Variants in ABL1 observed in about 807,000 individuals in gnomAD.
The protein encoded by ABL1 is tyrosine-protein kinase ABL1.
Under a neutral mutation model 94.7 loss-of-function variants are expected in ABL1, and 11 were observed. That is an observed-to-expected ratio of 0.12 (90% CI 0.07 to 0.19). The LOEUF is 0.19. Ranked by LOEUF, ABL1 falls within the 10% of genes least tolerant of loss-of-function variation. The pLI, the probability that ABL1 is intolerant of heterozygous loss-of-function variation, is 1.00. For synonymous variants in ABL1, 656 were observed against 622.4 expected (o/e 1.05, Z -0.80); for missense variants, 1,082 against 1,489.4 (o/e 0.73, Z 4.50).
Position 130,886,874 on chromosome 9 carries a change from A to G in ABL1, c.*1191A>G, listed in dbSNP as rs918655049. ...AGTCCTGGTCCTGGCTGCACTCTTG[A>G]ACTGGGCGAATGTCTTATTTAATTA... On this transcript the variant is annotated 3_prime_UTR_variant, in exon 11 of 11. Transcript: ENST00000318560. 33 of 233,288 alleles carry G rather than the reference A, an allele frequency of 1.4e-4. No individual in the cohort carries two copies. The highest frequency in any genetic ancestry group is 5.7e-4 in the African/African-American group (26 of 45,446). The allele number at this position is 233,288 out of a possible 1,614,324, so 14.5% of individuals were successfully genotyped here.
intron 1 of ABL1, among the ~76,000 whole-genome samples, chr9:130,770,046 A>G (rs1002093034): frequency 5.3e-5 from 8 of 152,126 alleles, no homozygotes; most frequent in African/African-American, 1.7e-4. Context: ...TCTGAGTAGT[A>G]TTCTCTTGCA....
At chr9:130,855,337 A>G (rs35694549) in intron 3 of ABL1, among the ~76,000 whole-genome samples, 2 of 152,282 alleles carry the variant, frequency 1.3e-5, no homozygotes, top group Non-Finnish European at 2.9e-5. Context: ...TGTTGTTAGC[A>G]AGTTACTTAA....
At chr9:130,736,026 G>A (rs985840733) in intron 1 of ABL1, among the ~76,000 whole-genome samples, 2 of 147,224 alleles carry the variant, frequency 1.4e-5, no homozygotes, top group African/African-American at 5.1e-5. Flanking sequence ...CATGACCTCG[G>A]CTCACTGCAG....
intron 1 of ABL1, among the ~76,000 whole-genome samples, chr9:130,724,168 G>T (rs1831550072): frequency 6.6e-6 from 1 of 152,140 alleles, no homozygotes; most frequent in African/African-American, 2.4e-5. Flanking sequence ...GGAGTACAAT[G>T]ATATGATCAC....
chr9:130,866,806 G>A (rs985863466), intron 4 of ABL1, among the ~76,000 whole-genome samples: 2 of 152,150 alleles, frequency 1.3e-5, no homozygotes, highest in African/African-American at 4.8e-5. Flanking sequence ...AAGGGAGGAC[G>A]TGCTTAAGAA....
At chr9:130,868,616 G>T (rs916307720) in intron 4 of ABL1, among the ~76,000 whole-genome samples, 27 of 148,806 alleles carry the variant, frequency 1.8e-4, no homozygotes, top group Non-Finnish European at 5.9e-5. Flanking sequence ...GGCCTCCCAG[G>T]TTCAAGCAAT....
intron 7 of ABL1, among the ~76,000 whole-genome samples, chr9:130,876,736 T>TC (rs1463991227): frequency 8.2e-6 from 1 of 121,736 alleles, no homozygotes; most frequent in Non-Finnish European, 1.6e-5. Flanking sequence ...TTGGTTTCTT[T>TC]TTTTTTTTTT....
chr9:130,752,828 G>A (rs1476848838), intron 1 of ABL1, among the ~76,000 whole-genome samples: 2 of 151,988 alleles, frequency 1.3e-5, no homozygotes, highest in East Asian at 1.9e-4. Context: ...ACGTGGTGGC[G>A]AACACCTGTA....
At chr9:130,758,255 G>C (rs1009987478) in intron 1 of ABL1, among the ~76,000 whole-genome samples, 3 of 151,940 alleles carry the variant, frequency 2.0e-5, no homozygotes, top group African/African-American at 7.3e-5. Context: ...CCACCTCCTG[G>C]GTTCAAGCCA....
At chr9:130,745,848 C>G (rs1357740054) in intron 1 of ABL1, among the ~76,000 whole-genome samples, 2 of 152,030 alleles carry the variant, frequency 1.3e-5, no homozygotes, top group Non-Finnish European at 2.9e-5. Context: ...AATTGAAGAT[C>G]AAATAAATAA....
chr9:130,867,422 G>A (rs765773426), intron 4 of ABL1, among the ~76,000 whole-genome samples: 3 of 152,224 alleles, frequency 2.0e-5, no homozygotes, highest in Admixed American at 6.5e-5. Flanking sequence ...CTAAACAGCA[G>A]CACAGTGATT....
intron 4 of ABL1, among the ~76,000 whole-genome samples, chr9:130,868,520 C>CTTT (rs71389371): frequency 2.7e-5 from 3 of 112,104 alleles, no homozygotes; most frequent in Non-Finnish European, 5.7e-5. Context: ...TTTTCTTTTT[C>CTTT]TTTTTTTTTT....
chr9:130,838,040 T>A (rs1286118064), intron 1 of ABL1, among the ~76,000 whole-genome samples: 1 of 152,268 alleles, frequency 6.6e-6, no homozygotes, highest in East Asian at 1.9e-4. Flanking sequence ...TGGCTAGCAA[T>A]TATTAAATGC....
intron 1 of ABL1, among the ~76,000 whole-genome samples, chr9:130,853,440 C>T (rs1309204488): frequency 6.7e-6 from 1 of 149,360 alleles, no homozygotes; most frequent in African/African-American, 2.5e-5. Context: ...TTTTTTGACA[C>T]GGAGTTTCTC....
chr9:130,745,368 G>A (rs898060832), intron 1 of ABL1, among the ~76,000 whole-genome samples: 1 of 151,980 alleles, frequency 6.6e-6, no homozygotes, highest in Non-Finnish European at 1.5e-5. Flanking sequence ...ACAGGCGTGA[G>A]TCACTGTGCC....
intron 1 of ABL1, among the ~76,000 whole-genome samples, chr9:130,745,359 C>T (rs1423815981): frequency 6.6e-6 from 1 of 151,934 alleles, no homozygotes; most frequent in Non-Finnish European, 1.5e-5. Context: ...GCTGGGATTA[C>T]AGGCGTGAGT....
chr9:130,744,267 C>T (rs1433412815), intron 1 of ABL1, among the ~76,000 whole-genome samples: 2 of 151,782 alleles, frequency 1.3e-5, no homozygotes, highest in Non-Finnish European at 2.9e-5. Context: ...CTCAGCCTCC[C>T]GAGTAACTGG....
At chr9:130,768,017 T>G (rs1000421121) in intron 1 of ABL1, among the ~76,000 whole-genome samples, 2 of 152,180 alleles carry the variant, frequency 1.3e-5, no homozygotes, top group African/African-American at 4.8e-5. Flanking sequence ...CCATCGTAAT[T>G]TTTTTAAAAC....
At chr9:130,819,652 C>T (rs1286284255) in intron 1 of ABL1, among the ~76,000 whole-genome samples, 2 of 148,956 alleles carry the variant, frequency 1.3e-5, no homozygotes, top group Non-Finnish European at 1.5e-5. Context: ...AATTCTATTG[C>T]CTCAGCCTCC....
Sources: allele counts gnomAD v4.1 joint callset (sites outside exome capture counted in the v4.1 genomes callset), GRCh38; gene constraint gnomAD v4.1.1; transcripts MANE v1.5; gene names NCBI Gene and HGNC (gene_info 2026-07-23, HGNC 2026-07-21).